MSH3: variants seen among roughly 807,000 people sequenced by gnomAD.
MSH3 encodes the protein DNA mismatch repair protein Msh3.
MSH3 carries 106 observed loss-of-function variants against 123.3 expected under a neutral mutation model. That is an observed-to-expected ratio of 0.86 (90% CI 0.73 to 1.01). MSH3 has a LOEUF of 1.01. Among genes scored for constraint, MSH3 ranks in the 50% least tolerant of loss-of-function variants. MSH3 has a pLI of 0.00. For synonymous variants in MSH3, 515 were observed against 481.4 expected (o/e 1.07, Z -0.91); for missense variants, 1,459 against 1,347.6 (o/e 1.08, Z -1.29).
intron 8 of MSH3, among the ~76,000 whole-genome samples, chr5:80,691,787 ATATT>A (rs1295410686): frequency 1.5e-5 from 1 of 66,612 alleles, no homozygotes; most frequent in East Asian, 3.7e-4. Context: ...ATATGTTTAT[ATATT>A]TATATAAATA....
chr5:80,684,649 T>A (rs981880363), intron 8 of MSH3, among the ~76,000 whole-genome samples: 1 of 152,170 alleles, frequency 6.6e-6, no homozygotes, highest in East Asian at 1.9e-4. Flanking sequence ...TCCTTTCCAA[T>A]TTGGATGCCC....
At chr5:80,743,997 A>G (rs971174332) in intron 11 of MSH3, among the ~76,000 whole-genome samples, 1 of 152,130 alleles carries the variant, frequency 6.6e-6, no homozygotes, top group Admixed American at 6.5e-5. Flanking sequence ...TAAGGACCCA[A>G]ATTTTAAGTG....
At chr5:80,788,579 G>A (rs1744555398) in intron 18 of MSH3, among the ~76,000 whole-genome samples, 1 of 152,132 alleles carries the variant, frequency 6.6e-6, no homozygotes, top group Non-Finnish European at 1.5e-5. Flanking sequence ...GGGAGGCTGA[G>A]GCAGGAACAT....
chr5:80,783,845 C>T (rs916366611), intron 17 of MSH3, among the ~76,000 whole-genome samples: 7 of 152,044 alleles, frequency 4.6e-5, no homozygotes, highest in Non-Finnish European at 8.8e-5. Flanking sequence ...ATAGGAGGAC[C>T]GGATGGGTCA....
intron 20 of MSH3, among the ~76,000 whole-genome samples, chr5:80,823,407 A>C (rs1745235143): frequency 6.6e-6 from 1 of 151,974 alleles, no homozygotes; most frequent in Non-Finnish European, 1.5e-5. Flanking sequence ...AGGGACGTGG[A>C]ATTTGGGGTT....
chr5:80,768,980 T>C lies in MSH3; in HGVS notation c.2230T>C (p.Tyr744His). 6.2e-7 allele frequency: 1 copy of C among 1,612,962 alleles called. No individual in the cohort carries two copies. Among genetic ancestry groups the C allele is most frequent in the Non-Finnish European group, 8.5e-7 (1 of 1,179,238 alleles). The change falls in exon 15 of 24, where the codon TAT becomes CAT. Residue 744 changes from tyrosine (Y) to histidine (H), a missense_variant. Transcript: ENST00000265081. ...AATACTAAAAAATCCTTCTGCACAA[T>C]ATGTGACAGTATCAGGACAGGAGGT... is the stretch of plus-strand genomic sequence containing the variant. ...RKILKNPSAQ[Y>H]VTVSGQEFMI... is the part of the protein sequence containing the mutation.
intron 10 of MSH3, among the ~76,000 whole-genome samples, chr5:80,740,255 T>C (rs1271760435): frequency 6.6e-6 from 1 of 152,242 alleles, no homozygotes; most frequent in East Asian, 1.9e-4. Context: ...GGATAGATAC[T>C]GAGACAATAA....
intron 12 of MSH3, 114 bp from the exon 13 acceptor site, chr5:80,761,432 G>GT: frequency 7.7e-7 from 1 of 1,293,600 alleles, no homozygotes; most frequent in East Asian, 2.3e-5. Flanking sequence ...TGAAGGAGGA[G>GT]TTTCCTTTGT....
chr5:80,712,273 A>G (rs1248053426), intron 8 of MSH3, among the ~76,000 whole-genome samples: 3 of 152,148 alleles, frequency 2.0e-5, no homozygotes, highest in Non-Finnish European at 2.9e-5. Flanking sequence ...TCTCTTTTCT[A>G]ATATGCCATT....
chr5:80,693,860 A>G (rs1474537098), intron 8 of MSH3, among the ~76,000 whole-genome samples: 3 of 152,090 alleles, frequency 2.0e-5, no homozygotes, highest in Non-Finnish European at 4.4e-5. Context: ...GGGTTTCACC[A>G]TAGTGTCCAG....
intron 3 of MSH3, among the ~76,000 whole-genome samples, chr5:80,669,159 C>T (rs1365608221): frequency 6.6e-6 from 1 of 152,218 alleles, no homozygotes; most frequent in Admixed American, 6.5e-5. Flanking sequence ...CCTGATGTCC[C>T]GGTGAAGCTG....
chr5:80,817,926 A>G (rs753363589), intron 20 of MSH3, among the ~76,000 whole-genome samples: 17 of 152,158 alleles, frequency 1.1e-4, no homozygotes, highest in Non-Finnish European at 1.5e-5. Context: ...ATCAAACTGA[A>G]TAGTCGGGCA....
chr5:80,866,180 C>G (rs183907896), intron 22 of MSH3, among the ~76,000 whole-genome samples: 1 of 152,174 alleles, frequency 6.6e-6, no homozygotes, highest in Non-Finnish European at 1.5e-5. Flanking sequence ...TCACTGTCAT[C>G]CAGGCTGGAG....
rs1343492296 is a variant in MSH3, at chr5:80,784,886, G to A, written c.2436-2679G>A. 3.9e-5 allele frequency among the ~76,000 whole-genome samples: 6 copies of A among 152,264 alleles called. No homozygotes were observed. In the East Asian group the frequency reaches 1.2e-3, roughly 29 times the overall value. ...TATCTACTCAGTAAATAAGTATACA[G>A]TATACTGTGAATATATTTTTCGGTT... is the stretch of plus-strand genomic sequence containing the variant. On this transcript the variant is annotated intron_variant, in intron 17 of 23. Transcript: ENST00000265081.
At chr5:80,686,869 A>G (rs1371446577) in intron 8 of MSH3, among the ~76,000 whole-genome samples, 2 of 152,194 alleles carry the variant, frequency 1.3e-5, no homozygotes, top group African/African-American at 2.4e-5. Flanking sequence ...AATATGTTAA[A>G]GCTGTGTGAG....
chr5:80,768,155 A>G (rs779999254), intron 14 of MSH3, 35 bp downstream of exon 14: 6 of 1,573,416 alleles, frequency 3.8e-6, no homozygotes, highest in Admixed American at 1.7e-5. Flanking sequence ...CCTTTTCACC[A>G]GTCAGTATAA....
intron 17 of MSH3, among the ~76,000 whole-genome samples, chr5:80,780,815 C>T (rs558777887): frequency 6.6e-6 from 1 of 152,322 alleles, no homozygotes; most frequent in Admixed American, 6.5e-5. Context: ...TTGCAGTGAG[C>T]CGAGATTGCG....
intron 12 of MSH3, among the ~76,000 whole-genome samples, chr5:80,753,726 T>C (rs776060436): frequency 6.6e-6 from 1 of 152,020 alleles, no homozygotes; most frequent in Non-Finnish European, 1.5e-5. Flanking sequence ...CCTTTCCACA[T>C]TGGGGGGTGG....
chr5:80,827,653 C>T (rs1162303525), intron 20 of MSH3, among the ~76,000 whole-genome samples: 1 of 152,206 alleles, frequency 6.6e-6, no homozygotes, highest in Non-Finnish European at 1.5e-5. Context: ...ATCAATATCT[C>T]TGTGCTTTCT....
Sources: allele counts gnomAD v4.1 joint callset (sites outside exome capture counted in the v4.1 genomes callset), GRCh38; gene constraint gnomAD v4.1.1; transcripts MANE v1.5; gene names NCBI Gene and HGNC (gene_info 2026-07-23, HGNC 2026-07-21).